FARP2: variants seen among roughly 807,000 people sequenced by gnomAD.
FARP2 encodes FERM, ARHGEF and pleckstrin domain-containing protein 2.
Under a neutral mutation model 130.5 loss-of-function variants are expected in FARP2, and 111 were observed. That is an observed-to-expected ratio of 0.85 (90% CI 0.73 to 1.00). The LOEUF (loss-of-function observed/expected upper bound fraction) is 1.00. FARP2 is among the 50% of genes least tolerant of loss of function. The pLI is 0.00. For missense variants in FARP2, 1,385 were observed against 1,346.3 expected, an observed-to-expected ratio of 1.03 and a Z score of -0.45; for synonymous variants, 504 against 516.9, an observed-to-expected ratio of 0.98 and a Z score of 0.34.
chr2:241,385,896 A>G (rs944238159), intron 2 of FARP2, among the ~76,000 whole-genome samples: 1 of 152,200 alleles, frequency 6.6e-6, no homozygotes, highest in African/African-American at 2.4e-5. Context: ...TTGATTACAT[A>G]AGTACTGAGA....
chr2:241,493,603 T>A (rs1027855138), intron 26 of FARP2, 159 bp downstream of exon 26: 2 of 649,772 alleles, frequency 3.1e-6, no homozygotes, highest in African/African-American at 3.6e-5. Flanking sequence ...CTTTGTTTTT[T>A]TTTTTTTTGG....
Position 241,457,580 on chromosome 2 carries a change from G to A in FARP2, c.1587+658G>A, listed in dbSNP as rs112288903. On this transcript the variant is annotated intron_variant, in intron 14 of 26. Transcript: ENST00000264042. Reference sequence around the variant, plus strand: ...TTGGGTTCCGGAGAGGCTCTTGGGCGGGAGACCCAGTGTAGAAAGATCTGG... The same window carrying A: ...TTGGGTTCCGGAGAGGCTCTTGGGCAGGAGACCCAGTGTAGAAAGATCTGG... Among the ~76,000 whole-genome samples, 264 of 75,826 alleles carry A rather than the reference G, an allele frequency of 3.5e-3. 4 individuals are homozygous for A. Among genetic ancestry groups the A allele is most frequent in the African/African-American group, 7.3e-3 (138 of 19,010 alleles). The allele number at this position is 75,826 out of a possible 152,430, so 49.7% of individuals were successfully genotyped here. A position where few individuals can be genotyped will look rare whatever the true frequency, so the allele number is the denominator to read the frequency against.
In FARP2 at chr2:241,441,754, G is replaced by A. The variant is rs568047113; in HGVS notation, c.1411+198G>A. The A allele has an allele frequency of 6.2e-6, 5 of 800,442 alleles. No homozygotes were observed. The African/African-American group carries it at 6.9e-5, about 11-fold the overall frequency. 49.6% of individuals were successfully genotyped at this position (800,442 alleles called of 1,614,324 possible). On this transcript the variant is annotated intron_variant, in intron 13 of 26. Coordinates refer to ENST00000264042, the MANE Select transcript of FARP2 (RefSeq NM_014808.4). ...GCACCGGTGTGACCGGCAGTGTCGT[G>A]GGGGGGCCCCTGCTTTCACATTGAC...
chr2:241,491,797 C>CT (rs1246125138), intron 24 of FARP2, 118 bp downstream of exon 24: 2 of 924,556 alleles, frequency 2.2e-6, no homozygotes, highest in East Asian at 5.6e-5. Context: ...CCCCAGAGGA[C>CT]TGCCTCTTAC....
rs536436743 is a variant in FARP2 at position 241,414,086 on chromosome 2, C to A, written c.623+665C>A. On this transcript the variant is annotated intron_variant, in intron 7 of 26. Coordinates refer to ENST00000264042, the MANE Select transcript of FARP2 (RefSeq NM_014808.4). ...GAAAGAGTCCTCTACGGGGAAGACA[C>A]TGTGCTGTGGTAGAGGAGGAGGGGA... is the stretch of plus-strand genomic sequence containing the variant. Among the ~76,000 whole-genome samples, 4 of 152,228 alleles carry A rather than the reference C, an allele frequency of 2.6e-5. No homozygotes were observed. The South Asian group carries it at 8.3e-4, about 32-fold the overall frequency.
In FARP2 at chr2:241,436,531, C is replaced by T. The variant is rs1283768243; in HGVS notation, c.1151C>T (p.Pro384Leu). 2.5e-6 allele frequency: 4 copies of T among 1,614,050 alleles called. No individual in the cohort carries two copies. Among genetic ancestry groups the T allele is most frequent in the South Asian group, 1.1e-5 (1 of 91,084 alleles). Residue 384 changes from proline (P) to leucine (L), a missense_variant, in exon 12 of 27, where the codon CCA (proline) becomes CTA (leucine). By Grantham distance (98) the Pro-to-Leu change is moderately conservative. Transcript: ENST00000264042. The part of the protein sequence containing the change: ...TSVRALTADL[P>L]KQSISFPEGL... ...GTTCGAGCTCTGACTGCAGACCTAC[C>T]AAAACAGGTTAGTCTCTTCCGGTTC... is the stretch of plus-strand genomic sequence containing the variant.
chr2:241,427,959 G>A (rs917397938), intron 8 of FARP2, among the ~76,000 whole-genome samples: 12 of 151,954 alleles, frequency 7.9e-5, no homozygotes, highest in Admixed American at 4.6e-4. Flanking sequence ...GTAGAGGCGG[G>A]GTTTCACTGT....
intron 8 of FARP2, among the ~76,000 whole-genome samples, chr2:241,426,470 G>A (rs1188998716): frequency 6.6e-6 from 1 of 152,176 alleles, no homozygotes; most frequent in African/African-American, 2.4e-5. Context: ...GGAGGGGTAG[G>A]TGTGAGGTAT....
At chr2:241,362,914 A>T (rs2061221992) in intron 1 of FARP2, among the ~76,000 whole-genome samples, 1 of 152,240 alleles carries the variant, frequency 6.6e-6, no homozygotes, top group Admixed American at 6.5e-5. Flanking sequence ...AATGTATTTT[A>T]AAATGCATGG....
intron 23 of FARP2, 148 bp from the exon 24 acceptor site, chr2:241,491,368 C>G: frequency 1.1e-6 from 1 of 907,182 alleles, no homozygotes; most frequent in Non-Finnish European, 1.7e-6. Flanking sequence ...GCAGAAGCAC[C>G]TGTAGTTTTG....
In FARP2 at chr2:241,434,312, T is replaced by C. The variant is rs2063164697; in HGVS notation, c.1022T>C (p.Phe341Ser). The C allele has an allele frequency of 1.2e-6, 2 of 1,611,622 alleles. No individual in the cohort carries two copies. The highest frequency in any genetic ancestry group is 1.7e-5 in the Admixed American group (1 of 59,398). The change falls in exon 10 of 27, where the codon TTC becomes TCC. Residue 341 changes from phenylalanine to serine, a missense_variant. Physicochemically the swap from Phe to Ser is radical, Grantham distance 155. Transcript: ENST00000264042. ...KAVFFSRGSS[F>S]RYSGRTQKQL... ...GTCTTCTTCAGCCGGGGCTCCTCCTTCAGATACAGGTAGGGGCCATGCCGT... is the reference window on the plus strand; with the variant it reads ...GTCTTCTTCAGCCGGGGCTCCTCCTCCAGATACAGGTAGGGGCCATGCCGT...
intron 2 of FARP2, among the ~76,000 whole-genome samples, chr2:241,402,600 A>G (rs2150346211): frequency 6.6e-6 from 1 of 151,770 alleles, no homozygotes; most frequent in East Asian, 1.9e-4. Flanking sequence ...TCTCTGTTTG[A>G]TTCTGGTCTT....
At chr2:241,375,072 G>A (rs903220173) in intron 2 of FARP2, among the ~76,000 whole-genome samples, 2 of 152,026 alleles carry the variant, frequency 1.3e-5, no homozygotes, top group East Asian at 1.9e-4. Context: ...TCAGCCTCCC[G>A]AGTAGCTGGG....
chr2:241,487,261 A>G (rs1014633199), intron 21 of FARP2, among the ~76,000 whole-genome samples: 14 of 152,350 alleles, frequency 9.2e-5, no homozygotes, highest in South Asian at 2.1e-4. Flanking sequence ...CATCTGGCAC[A>G]TATAGGGAAC....
At chr2:241,364,548 A>G (rs969577418) in intron 1 of FARP2, among the ~76,000 whole-genome samples, 51 of 152,256 alleles carry the variant, frequency 3.3e-4, no homozygotes, top group African/African-American at 1.2e-3. Flanking sequence ...TAAAAAATAA[A>G]TAAAACTTTA....
At chr2:241,493,592 G>T (rs1430304249) in intron 26 of FARP2, 148 bp downstream of exon 26, 2 of 654,086 alleles carry the variant, frequency 3.1e-6, no homozygotes, top group South Asian at 2.0e-5. Context: ...AAACAGCAAT[G>T]CTTTGTTTTT....
intron 2 of FARP2, among the ~76,000 whole-genome samples, chr2:241,378,985 T>C (rs2061601833): frequency 6.6e-6 from 1 of 152,214 alleles, no homozygotes; most frequent in African/African-American, 2.4e-5. Flanking sequence ...GCCATAATTG[T>C]TTTAAAACCA....
At chr2:241,406,428 G>T (rs1021068723) in intron 4 of FARP2, among the ~76,000 whole-genome samples, 67 of 152,118 alleles carry the variant, frequency 4.4e-4, no homozygotes, top group Admixed American at 1.2e-3. Flanking sequence ...TATAGAGAGA[G>T]AGAGAGAGAG....
At chr2:241,426,276 C>G (rs2062937664) in intron 8 of FARP2, among the ~76,000 whole-genome samples, 1 of 152,092 alleles carries the variant, frequency 6.6e-6, no homozygotes, top group African/African-American at 2.4e-5. Flanking sequence ...GGGATAGGTA[C>G]ATGCCGGTGA....
Sources: gnomAD v4.1 joint callset for allele counts (sites outside exome capture counted in the v4.1 genomes callset) on GRCh38, gnomAD v4.1.1 for gene constraint, MANE v1.5 for transcripts, NCBI Gene and HGNC (gene_info 2026-07-23, HGNC 2026-07-21) for gene names.